Variants in IRAK1BP1 observed in about 807,000 individuals in gnomAD.
IRAK1BP1 encodes the protein interleukin-1 receptor-associated kinase 1-binding protein 1.
In IRAK1BP1, 24 loss-of-function variants were observed where a neutral mutation model predicts 28.0. The observed-to-expected ratio is 0.86, with a 90% CI of 0.62 to 1.20. The LOEUF (loss-of-function observed/expected upper bound fraction) is 1.20. Among genes scored for constraint, IRAK1BP1 ranks in the 50% most tolerant of loss-of-function variants. IRAK1BP1 has a pLI of 0.00. For synonymous variants in IRAK1BP1, 131 were observed against 116.3 expected, an observed-to-expected ratio of 1.13 and a Z score of -0.81; for missense variants, 336 against 316.7, an observed-to-expected ratio of 1.06 and a Z score of -0.46.
chr6:78,955,707 T>A, the IRAK1BP1 span: 1 of 756,916 alleles, frequency 1.3e-6, no homozygotes. Context: ...AATGTTAACA[T>A]GTAAGATTAG....
intron 4 of IRAK1BP1, among the ~76,000 whole-genome samples, chr6:78,914,302 G>A (rs919269117): frequency 6.6e-6 from 1 of 152,172 alleles, no homozygotes; most frequent in African/African-American, 2.4e-5. Context: ...GCCTGAAAAT[G>A]AATCTTAATT....
chr6:78,934,060 G>C (rs2127671664), intron 4 of IRAK1BP1, among the ~76,000 whole-genome samples: 1 of 152,214 alleles, frequency 6.6e-6, no homozygotes, highest in Non-Finnish European at 1.5e-5. Flanking sequence ...GCCACGGTAG[G>C]GTAACTAATT....
rs1427666461 is a variant in IRAK1BP1 at position 78,901,167 on chromosome 6, A to G, written c.*2833A>G. The G allele has an allele frequency of 7.1e-6, 1 of 140,778 alleles. No homozygotes were observed. Among genetic ancestry groups the G allele is most frequent in the Non-Finnish European group, 1.6e-5 (1 of 64,172 alleles). The allele number at this position is 140,778 out of a possible 1,614,324, so 8.7% of individuals were successfully genotyped here. On this transcript the variant is annotated 3_prime_UTR_variant, in exon 4 of 4. Transcript: ENST00000369940. ...TTGATAAAGAAGCTTCCAACTTAGC[A>G]TGAAATACCTAAAGACAATTTTTTT... is the stretch of plus-strand genomic sequence containing the variant.
Position 78,897,962 on chromosome 6 carries a change from A to T in IRAK1BP1, c.512+3A>T. On this transcript the variant is annotated splice_donor_region_variant and intron_variant, in intron 3 of 3. Transcript: ENST00000369940. ...CCAGGTTCTGTTGAGAATCTTCGGT[A>T]AGTTTAAGCACATCTTTAACTAAGA... 3.1e-6 allele frequency: 5 copies of T among 1,613,482 alleles called. No homozygotes were observed. The highest frequency in any genetic ancestry group is 4.2e-6 in the Non-Finnish European group (5 of 1,179,800).
intron 4 of IRAK1BP1, among the ~76,000 whole-genome samples, chr6:78,918,488 G>C (rs1018911188): frequency 6.7e-6 from 1 of 150,148 alleles, no homozygotes; most frequent in Non-Finnish European, 1.5e-5. Context: ...CAGAGTAAAG[G>C]GCTGGGGAAA....
the IRAK1BP1 span, chr6:78,965,873 A>C: frequency 2.0e-5 from 25 of 1,225,796 alleles, no homozygotes; most frequent in Admixed American, 1.1e-4. Flanking sequence ...AAGTCTCTTT[A>C]TCTCTTAATA....
At chr6:78,920,439 C>T (rs1262167571) in intron 4 of IRAK1BP1, among the ~76,000 whole-genome samples, 1 of 152,068 alleles carries the variant, frequency 6.6e-6, no homozygotes, top group Non-Finnish European at 1.5e-5. Context: ...ACACATGGAC[C>T]AATGCAACAG....
At chr6:78,921,360 C>T (rs118140117) in intron 4 of IRAK1BP1, among the ~76,000 whole-genome samples, 5,647 of 152,292 alleles carry the variant, frequency 0.037, 130 homozygotes, top group Non-Finnish European at 0.056. Context: ...ACAGCAAGGC[C>T]GCGGCAAGGC....
intron 2 of IRAK1BP1, among the ~76,000 whole-genome samples, chr6:78,889,623 A>G (rs931024735): frequency 6.6e-6 from 1 of 152,026 alleles, no homozygotes; most frequent in Non-Finnish European, 1.5e-5. Flanking sequence ...GTATGAACAG[A>G]CACTTCTCAA....
chr6:78,891,920 C>T (rs117176269), intron 2 of IRAK1BP1, among the ~76,000 whole-genome samples: 2,056 of 152,206 alleles, frequency 0.014, 18 homozygotes, highest in Non-Finnish European at 0.02. Flanking sequence ...ATATATTATT[C>T]CATCCAATCT....
chr6:78,889,452 GC>G (rs1442210728), intron 2 of IRAK1BP1, among the ~76,000 whole-genome samples: 1 of 151,778 alleles, frequency 6.6e-6, no homozygotes, highest in African/African-American at 2.4e-5. Flanking sequence ...AAGAGCTTCT[GC>G]ACAGCAAAAG....
At chr6:78,918,940 C>T (rs1291516625) in intron 4 of IRAK1BP1, among the ~76,000 whole-genome samples, 1 of 152,114 alleles carries the variant, frequency 6.6e-6, no homozygotes, top group African/African-American at 2.4e-5. Context: ...CAAGATTGAC[C>T]ACATGCTTGG....
chr6:78,894,117 C>T (rs1771795341), intron 2 of IRAK1BP1, among the ~76,000 whole-genome samples: 1 of 151,906 alleles, frequency 6.6e-6, no homozygotes, highest in Non-Finnish European at 1.5e-5. Context: ...CTAAAGCAAA[C>T]ACTAAAATAA....
chr6:78,878,614 C>T (rs530076890), intron 1 of IRAK1BP1, among the ~76,000 whole-genome samples: 14 of 152,266 alleles, frequency 9.2e-5, no homozygotes, highest in Non-Finnish European at 2.1e-4. Context: ...TGCAGCTCCT[C>T]GCCAGCAACA....
intron 1 of IRAK1BP1, among the ~76,000 whole-genome samples, chr6:78,884,761 T>A (rs1267437134): frequency 6.6e-6 from 1 of 152,132 alleles, no homozygotes; most frequent in East Asian, 1.9e-4. Context: ...TATTAAAATA[T>A]TTGTAAATTA....
At chr6:78,870,534 A>G (rs1429580367) in intron 1 of IRAK1BP1, among the ~76,000 whole-genome samples, 1 of 152,212 alleles carries the variant, frequency 6.6e-6, no homozygotes, top group Non-Finnish European at 1.5e-5. Context: ...AAATGAAACA[A>G]TAAGTGAACA....
the IRAK1BP1 span, chr6:78,969,776 CACTT>C: frequency 1.2e-4 from 88 of 747,758 alleles, 1 homozygote; most frequent in Middle Eastern, 7.3e-4. Flanking sequence ...AATAGTAAAT[CACTT>C]ACTAAGAAAA....
chr6:78,885,391 CTG>C lies in IRAK1BP1; in HGVS notation c.332_333del (p.Val111AspfsTer5), dbSNP rs760256151. 97 of 1,580,278 alleles carry C rather than the reference CTG, an allele frequency of 6.1e-5. 1 individual carries two copies. The Admixed American group carries it at 1.5e-3, about 25-fold the overall frequency. ...TTTCTGTTTCAGGCAGAAAATATAA[CTG>C]TGACAAAGGATTTTAGGAGAGTGGA... On this transcript the variant is annotated frameshift_variant, in exon 2 of 4. Coordinates refer to ENST00000369940, the MANE Select transcript of IRAK1BP1 (RefSeq NM_001010844.4). LOFTEE classifies it high-confidence loss of function.
At chr6:78,887,661 A>AT (rs963906823) in intron 2 of IRAK1BP1, among the ~76,000 whole-genome samples, 3 of 152,120 alleles carry the variant, frequency 2.0e-5, no homozygotes, top group African/African-American at 7.2e-5. Context: ...GCAAGACTCC[A>AT]TCTCACACAC....
Sources: gnomAD v4.1 joint callset for allele counts (sites outside exome capture counted in the v4.1 genomes callset) on GRCh38, gnomAD v4.1.1 for gene constraint, MANE v1.5 for transcripts, NCBI Gene and HGNC (gene_info 2026-07-23, HGNC 2026-07-21) for gene names.